EVI5: variants seen among roughly 807,000 people sequenced by gnomAD.
EVI5 encodes ecotropic viral integration site 5 protein homolog.
Under a neutral mutation model 112.0 loss-of-function variants are expected in EVI5, and 73 were observed. The ratio of observed to expected loss-of-function variants is 0.65; its 90% CI spans 0.54 to 0.79. The LOEUF (loss-of-function observed/expected upper bound fraction) is 0.79. Among genes scored for constraint, EVI5 ranks in the 30% least tolerant of loss-of-function variants. The pLI is 0.00. For missense variants in EVI5, 900 were observed against 968.8 expected, an observed-to-expected ratio of 0.93 and a Z score of 0.94; for synonymous variants, 305 against 319.9, an observed-to-expected ratio of 0.95 and a Z score of 0.50.
At chr1:92,686,693 A>G (rs1018888977) in intron 9 of EVI5, among the ~76,000 whole-genome samples, 2 of 152,266 alleles carry the variant, frequency 1.3e-5, no homozygotes, top group Non-Finnish European at 2.9e-5. Context: ...CAACTTCAGC[A>G]AAGTCTCAGG....
At chr1:92,579,231 T>C (rs1408825418) in intron 18 of EVI5, among the ~76,000 whole-genome samples, 1 of 152,206 alleles carries the variant, frequency 6.6e-6, no homozygotes, top group Non-Finnish European at 1.5e-5. Flanking sequence ...TAAATATTCA[T>C]CTTATTAATA....
chr1:92,580,185 A>G (rs1671717472), intron 18 of EVI5, among the ~76,000 whole-genome samples: 1 of 152,160 alleles, frequency 6.6e-6, no homozygotes, highest in Non-Finnish European at 1.5e-5. Flanking sequence ...TTTTCAGCAA[A>G]ATTCTAGAAG....
chr1:92,522,667 A>G (rs1477959697), intron 19 of EVI5, among the ~76,000 whole-genome samples: 1 of 145,512 alleles, frequency 6.9e-6, no homozygotes, highest in Non-Finnish European at 1.5e-5. Flanking sequence ...TACACCCTCA[A>G]CAACACTGTA....
At position 92,752,443 on chromosome 1, in the gene EVI5, G is replaced by A. The variant is rs545387054; in HGVS notation, c.-81-15816C>T. On this transcript the variant is annotated intron_variant, in intron 1 of 19. Transcript: ENST00000684568. ...GCCCGCCTCGACCTCCCAAAGTGCT[G>A]GGATTACAGGCGTGAGCCACTCACT... 9.9e-4 allele frequency among the ~76,000 whole-genome samples: 150 copies of A among 152,268 alleles called. 1 individual carries two copies. The South Asian group carries it at 0.017, about 18-fold the overall frequency.
At chr1:92,514,405 C>G (rs549073172) in intron 19 of EVI5, among the ~76,000 whole-genome samples, 173 of 152,294 alleles carry the variant, frequency 1.1e-3, no homozygotes, top group African/African-American at 4.0e-3. Flanking sequence ...ATCTGCCTGC[C>G]TCAGTCTCCC....
At chr1:92,753,584 TATG>T (rs370679083) in intron 1 of EVI5, among the ~76,000 whole-genome samples, 29 of 152,306 alleles carry the variant, frequency 1.9e-4, no homozygotes, top group Middle Eastern at 3.4e-3. Flanking sequence ...TGAAATTCAG[TATG>T]AATTTTACAT....
chr1:92,575,972 C>T (rs1671018077), intron 18 of EVI5, among the ~76,000 whole-genome samples: 1 of 152,164 alleles, frequency 6.6e-6, no homozygotes, highest in East Asian at 1.9e-4. Flanking sequence ...TCCATTCCAA[C>T]ATTATTCCAA....
intron 13 of EVI5, among the ~76,000 whole-genome samples, chr1:92,636,920 T>C (rs915978858): frequency 5.3e-5 from 8 of 152,258 alleles, no homozygotes; most frequent in East Asian, 3.9e-4. Context: ...AAATCTTAAA[T>C]TGCATATGTG....
At chr1:92,740,813 A>T (rs1451373677) in intron 1 of EVI5, among the ~76,000 whole-genome samples, 1 of 152,240 alleles carries the variant, frequency 6.6e-6, no homozygotes, top group Non-Finnish European at 1.5e-5. Flanking sequence ...TATCTAAAAT[A>T]GTATCCCTAT....
At chr1:92,717,918 T>A (rs186482515) in intron 2 of EVI5, among the ~76,000 whole-genome samples, 3,915 of 149,840 alleles carry the variant, frequency 0.026, 145 homozygotes, top group African/African-American at 0.081. Context: ...ATAAAACAAA[T>A]TTTAAACCAA....
At chr1:92,601,071 G>C (rs1216068237) in intron 18 of EVI5, among the ~76,000 whole-genome samples, 2 of 152,164 alleles carry the variant, frequency 1.3e-5, no homozygotes, top group Non-Finnish European at 2.9e-5. Context: ...AAAAACAAAT[G>C]CAATAAGCAT....
At chr1:92,593,635 T>C (rs930315707) in intron 18 of EVI5, among the ~76,000 whole-genome samples, 1 of 152,202 alleles carries the variant, frequency 6.6e-6, no homozygotes, top group Non-Finnish European at 1.5e-5. Context: ...AAATTGTCCC[T>C]GTTTGCAGAT....
At chr1:92,741,675 G>A (rs1678429349) in intron 1 of EVI5, among the ~76,000 whole-genome samples, 1 of 152,066 alleles carries the variant, frequency 6.6e-6, no homozygotes, top group Non-Finnish European at 1.5e-5. Flanking sequence ...AGGCTGATCT[G>A]ACAACTCAGT....
Position 92,772,324 on chromosome 1 carries a change from A to T in EVI5, c.-82+12512T>A, listed in dbSNP as rs572796174. ...GATATAAAAAGAAACTGGCCAGGCG[A>T]GGTGGCTCACGCCTGTAATCCCAGC... is the stretch of plus-strand genomic sequence containing the variant. On this transcript the variant is annotated intron_variant, in intron 1 of 19. Coordinates refer to ENST00000684568, the MANE Select transcript of EVI5 (RefSeq NM_001350197.2). Among the ~76,000 whole-genome samples the T allele has an allele frequency of 5.3e-5, 8 of 151,924 alleles. No homozygotes were observed. In the East Asian group the frequency reaches 1.2e-3, roughly 22 times the overall value.
At chr1:92,641,197 GA>G (rs923070232) in intron 13 of EVI5, among the ~76,000 whole-genome samples, 41 of 145,172 alleles carry the variant, frequency 2.8e-4, no homozygotes, top group African/African-American at 6.2e-4. Context: ...AAGTAAAATT[GA>G]AAAAAAAAAT....
intron 14 of EVI5, among the ~76,000 whole-genome samples, chr1:92,626,948 T>C (rs1655799257): frequency 2.0e-5 from 3 of 152,356 alleles, no homozygotes; most frequent in African/African-American, 2.4e-5. Flanking sequence ...TTAATACAAA[T>C]TAAACAATTT....
intron 18 of EVI5, among the ~76,000 whole-genome samples, chr1:92,592,876 G>T (rs1362518418): frequency 2.6e-5 from 4 of 152,164 alleles, no homozygotes; most frequent in Non-Finnish European, 5.9e-5. Context: ...CCAGGACGAA[G>T]TTGAATCTCT....
chr1:92,634,749 G>A (rs1218487585), intron 14 of EVI5, among the ~76,000 whole-genome samples: 2 of 152,204 alleles, frequency 1.3e-5, no homozygotes, highest in African/African-American at 2.4e-5. Flanking sequence ...GAGGAGAAGA[G>A]GCACTCTGCT....
chr1:92,724,270 T>G (rs924496765), intron 2 of EVI5, among the ~76,000 whole-genome samples: 1 of 152,056 alleles, frequency 6.6e-6, no homozygotes, highest in Non-Finnish European at 1.5e-5. Flanking sequence ...GCTGTAAAAT[T>G]TATCTCTTTG....
Sources: gnomAD v4.1 joint callset for allele counts (sites outside exome capture counted in the v4.1 genomes callset) on GRCh38, gnomAD v4.1.1 for gene constraint, MANE v1.5 for transcripts, NCBI Gene and HGNC (gene_info 2026-07-23, HGNC 2026-07-21) for gene names.